The following TENT5C variants were observed in gnomAD, a reference collection of about 807,000 sequenced individuals.
TENT5C encodes terminal nucleotidyltransferase 5C.
TENT5C carries 5 observed loss-of-function variants against 22.2 expected under a neutral mutation model. That is an observed-to-expected ratio of 0.22 (90% CI 0.12 to 0.47). The LOEUF (loss-of-function observed/expected upper bound fraction) is 0.47. Among genes scored for constraint, TENT5C ranks in the 20% least tolerant of loss-of-function variants. The pLI is 0.99. For missense variants in TENT5C, 364 were observed against 500.9 expected (o/e 0.73, Z 2.61); for synonymous variants, 199 against 195.4 (o/e 1.02, Z -0.15).
At position 117,627,114 on chromosome 1, in the gene TENT5C, T is replaced by C; in HGVS notation, c.*3070T>C. ...TGGGATGGCCCACACCTGGGGGACC[T>C]GGCAGATGGGGTGAGTTGGGTAAGG... On this transcript the variant is annotated 3_prime_UTR_variant, in exon 2 of 2. Transcript: ENST00000369448. The C allele has an allele frequency of 4.0e-6, 1 of 248,204 alleles. No homozygotes were observed. Among genetic ancestry groups the C allele is most frequent in the Non-Finnish European group, 8.5e-6 (1 of 118,126 alleles). 15.4% of individuals were successfully genotyped at this position (248,204 alleles called of 1,614,324 possible). A position where few individuals can be genotyped will look rare whatever the true frequency, so the allele number is the denominator to read the frequency against.
chr1:117,621,028 C>A lies in TENT5C; in HGVS notation c.-27-1814C>A, dbSNP rs150342578. 1.4e-3 allele frequency among the ~76,000 whole-genome samples: 216 copies of A among 152,294 alleles called. 1 individual carries two copies. The highest frequency in any genetic ancestry group is 5.1e-3 in the African/African-American group (210 of 41,558). On this transcript the variant is annotated intron_variant, in intron 1 of 1. Transcript: ENST00000369448. ...AAAAGAGAACTCTACTATCCCAAAT[C>A]TGCCTTGAAACCAAATGCCAGTCAC...
rs1653976751 is a variant in TENT5C at position 117,624,898 on chromosome 1, T to C, written c.*854T>C. Reference sequence around the variant, plus strand: ...CTTATTAAATGGCTCCCTGCCTTTTTTTTCTTTTTTCCTCATCAGCTCTTT... The same window carrying C: ...CTTATTAAATGGCTCCCTGCCTTTTCTTTCTTTTTTCCTCATCAGCTCTTT... On this transcript the variant is annotated 3_prime_UTR_variant, in exon 2 of 2. Coordinates refer to ENST00000369448, the MANE Select transcript of TENT5C (RefSeq NM_017709.4). 8.1e-6 allele frequency: 2 copies of C among 247,898 alleles called. No homozygotes were observed. The highest frequency in any genetic ancestry group is 1.1e-4 in the Admixed American group (2 of 17,790). The allele number at this position is 247,898 out of a possible 1,614,324, so 15.4% of individuals were successfully genotyped here.
rs1238866114 is a variant in TENT5C at position 117,623,907 on chromosome 1, A to C, written c.1039A>C (p.Ile347Leu). 6.2e-7 allele frequency: 1 copy of C among 1,614,026 alleles called. No individual in the cohort carries two copies. The highest frequency in any genetic ancestry group is 1.1e-5 in the South Asian group (1 of 91,058). ...ALRVLAEQNI[I>L]PSATNVTCYY... ...GCGTGTGCTGGCGGAACAAAACATC[A>C]TCCCCAGTGCCACCAACGTCACCTG... Residue 347 changes from isoleucine to leucine, a missense_variant, in exon 2 of 2, where the codon ATC (isoleucine) becomes CTC (leucine). Ile to Leu is a conservative substitution (Grantham distance 5). Transcript: ENST00000369448.
rs748807588 is a variant in TENT5C, at chr1:117,623,633, C to T, written c.765C>T (p.Phe255=). Residue 255 remains phenylalanine (F), a synonymous_variant, in exon 2 of 2, where the codon TTC becomes TTT. Coordinates refer to ENST00000369448, the MANE Select transcript of TENT5C (RefSeq NM_017709.4). The stretch of plus-strand genomic sequence containing the variant: ...ACAGCAACCTTCTTGTGCGGGACTT[C>T]AGGCCCACAGACCAGGAAGAAATCA... ...LKYSNLLVRD[F]RPTDQEEIKT... The T allele has an allele frequency of 2.5e-6, 4 of 1,613,886 alleles. No individual in the cohort carries two copies. In the East Asian group the frequency reaches 8.9e-5, roughly 36 times the overall value.
Position 117,623,488 on chromosome 1 carries a change from A to G in TENT5C, c.620A>G (p.His207Arg), listed in dbSNP as rs1653944063. ...CSNNPISEHFHPTVIGESMYG... is the reference protein window; with the variant it reads ...CSNNPISEHFRPTVIGESMYG... ...AATAATCCCATCTCTGAGCACTTCCACCCCACCGTGATTGGGGAGAGCATG... is the reference window on the plus strand; with the variant it reads ...AATAATCCCATCTCTGAGCACTTCCGCCCCACCGTGATTGGGGAGAGCATG... The change falls in exon 2 of 2, where the codon CAC becomes CGC. Residue 207 changes from histidine (H) to arginine (R), a missense_variant. Around this residue, in one of 3 missense-constraint regions of TENT5C, gnomAD observed 303 missense variants for 394.5 expected, o/e 0.77. Coordinates refer to ENST00000369448, the MANE Select transcript of TENT5C (RefSeq NM_017709.4). 1.9e-6 allele frequency: 3 copies of G among 1,613,468 alleles called. No homozygotes were observed. The Admixed American group carries it at 5.0e-5, about 27-fold the overall frequency.
intron 1 of TENT5C, among the ~76,000 whole-genome samples, chr1:117,607,797 G>A (rs556715089): frequency 1.1e-4 from 16 of 152,284 alleles, no homozygotes; most frequent in Admixed American, 1.0e-3. Flanking sequence ...AAGGGGGAGG[G>A]GGATGGGGAG....
chr1:117,610,645 A>G (rs912492974), intron 1 of TENT5C, among the ~76,000 whole-genome samples: 2 of 152,134 alleles, frequency 1.3e-5, no homozygotes, highest in Non-Finnish European at 2.9e-5. Flanking sequence ...CTCCTACCTC[A>G]GCCTCCTGAA....
At chr1:117,620,082 C>G (rs910244811) in intron 1 of TENT5C, among the ~76,000 whole-genome samples, 3 of 152,104 alleles carry the variant, frequency 2.0e-5, no homozygotes, top group African/African-American at 7.2e-5. Flanking sequence ...AACTCTCAAC[C>G]CTGTGTACTT....
rs1653964578 is a variant in TENT5C at position 117,624,243 on chromosome 1, A to G, written c.*199A>G. ...ATGAGCCAACCCTCAAAGGACCCGT[A>G]TTACAGTGCCACGTTGGAAAACGCT... On this transcript the variant is annotated 3_prime_UTR_variant, in exon 2 of 2. Coordinates refer to ENST00000369448, the MANE Select transcript of TENT5C (RefSeq NM_017709.4). 1.8e-6 allele frequency: 1 copy of G among 566,116 alleles called. No individual in the cohort carries two copies. Among genetic ancestry groups the G allele is most frequent in the Non-Finnish European group, 3.1e-6 (1 of 318,198 alleles). 35.1% of individuals were successfully genotyped at this position (566,116 alleles called of 1,614,324 possible).
At chr1:117,609,681 AT>A (rs1321709611) in intron 1 of TENT5C, among the ~76,000 whole-genome samples, 4 of 152,154 alleles carry the variant, frequency 2.6e-5, no homozygotes, top group African/African-American at 9.7e-5. Flanking sequence ...AGGCACTCCG[AT>A]TTCTCTCATT....
intron 1 of TENT5C, among the ~76,000 whole-genome samples, chr1:117,607,490 T>C (rs954068114): frequency 2.0e-5 from 3 of 152,212 alleles, no homozygotes; most frequent in Admixed American, 6.5e-5. Context: ...GGTCTTCAGG[T>C]TACTTTGTAG....
intron 1 of TENT5C, among the ~76,000 whole-genome samples, chr1:117,613,731 A>G (rs1182427973): frequency 2.6e-5 from 4 of 152,202 alleles, no homozygotes; most frequent in Admixed American, 6.5e-5. Context: ...AAATGGCTGG[A>G]GGATGATAAT....
chr1:117,612,587 C>T (rs1276585373), intron 1 of TENT5C, among the ~76,000 whole-genome samples: 1 of 152,186 alleles, frequency 6.6e-6, no homozygotes. Flanking sequence ...TAAACATGAG[C>T]TGCTGCTATG....
intron 1 of TENT5C, among the ~76,000 whole-genome samples, chr1:117,615,357 T>C (rs896750148): frequency 6.6e-6 from 1 of 152,250 alleles, no homozygotes; most frequent in Non-Finnish European, 1.5e-5. Flanking sequence ...CAGTGCATCC[T>C]TGGACAGTTT....
intron 1 of TENT5C, among the ~76,000 whole-genome samples, chr1:117,618,597 G>A (rs1653834807): frequency 6.6e-6 from 1 of 152,050 alleles, no homozygotes; most frequent in African/African-American, 2.4e-5. Flanking sequence ...ATGTAGAGAG[G>A]AGGGGTGGGA....
chr1:117,623,566 C>G lies in TENT5C; in HGVS notation c.698C>G (p.Thr233Ser). Residue 233 changes from threonine to serine, a missense_variant, in exon 2 of 2, where the codon ACC (threonine) becomes AGC (serine). Around this residue, in one of 3 missense-constraint regions of TENT5C, gnomAD observed 303 missense variants for 394.5 expected, o/e 0.77. Coordinates refer to ENST00000369448, the MANE Select transcript of TENT5C (RefSeq NM_017709.4). ...CATCTGCAGAACAGACTGATCGCCACCAAGAACCCAGAAGAAATCAGAGGC... is the reference window on the plus strand; with the variant it reads ...CATCTGCAGAACAGACTGATCGCCAGCAAGAACCCAGAAGAAATCAGAGGC... The part of the protein sequence containing the change: ...FDHLQNRLIA[T>S]KNPEEIRGGG... The G allele has an allele frequency of 6.2e-7, 1 of 1,614,012 alleles. No homozygotes were observed. Among genetic ancestry groups the G allele is most frequent in the Non-Finnish European group, 8.5e-7 (1 of 1,180,020 alleles).
intron 1 of TENT5C, among the ~76,000 whole-genome samples, chr1:117,620,582 C>A (rs1051183655): frequency 6.6e-6 from 1 of 151,760 alleles, no homozygotes; most frequent in Non-Finnish European, 1.5e-5. Context: ...GGGTTCCCCA[C>A]CCCCCTGACC....
At chr1:117,608,439 C>T (rs1030015546) in intron 1 of TENT5C, among the ~76,000 whole-genome samples, 33 of 152,158 alleles carry the variant, frequency 2.2e-4, no homozygotes, top group African/African-American at 7.7e-4. Flanking sequence ...CACATTCCCC[C>T]GTGTTCAAGG....
chr1:117,612,548 T>G (rs914405300), intron 1 of TENT5C, among the ~76,000 whole-genome samples: 2 of 152,194 alleles, frequency 1.3e-5, no homozygotes, highest in African/African-American at 2.4e-5. Context: ...AGCTGTCTGG[T>G]GACAGCACAT....
Sources: gnomAD v4.1 joint callset for allele counts (sites outside exome capture counted in the v4.1 genomes callset) on GRCh38, gnomAD v4.1.1 for gene constraint, gnomAD v4.1.1 regional missense constraint, MANE v1.5 for transcripts, NCBI Gene and HGNC (gene_info 2026-07-23, HGNC 2026-07-21) for gene names.